The following CRLS1 variants were observed in gnomAD, a reference collection of about 807,000 sequenced individuals.
The protein encoded by CRLS1 is cardiolipin synthase 1.
Under a neutral mutation model 37.0 loss-of-function variants are expected in CRLS1, and 24 were observed. The ratio of observed to expected loss-of-function variants is 0.65; its 90% CI spans 0.47 to 0.91. The LOEUF (loss-of-function observed/expected upper bound fraction) is 0.91. Among genes scored for constraint, CRLS1 ranks in the 40% least tolerant of loss-of-function variants. The probability of loss-of-function intolerance (pLI) is 0.00; values close to 1 mark genes in which losing one functional copy is unlikely to be tolerated. For synonymous variants in CRLS1, 135 were observed against 159.7 expected, an observed-to-expected ratio of 0.85 and a Z score of 1.17; for missense variants, 373 against 395.8, an observed-to-expected ratio of 0.94 and a Z score of 0.49.
upstream of CRLS1, chr20:6,005,975 AC>A: frequency 3.3e-6 from 1 of 301,604 alleles, no homozygotes; most frequent in Non-Finnish European, 6.1e-6. Context: ...GCTTCCCAAA[AC>A]CCACTGAGCC....
chr20:6,034,719 T>G (rs1325338796), intron 6 of CRLS1, among the ~76,000 whole-genome samples, 164 bp downstream of exon 6: 2 of 152,208 alleles, frequency 1.3e-5, no homozygotes, highest in Admixed American at 1.3e-4. Context: ...CTGCCAAGTA[T>G]GAGATGGAGA....
At chr20:6,033,098 T>A (rs1396913773) in intron 5 of CRLS1, among the ~76,000 whole-genome samples, 1 of 149,710 alleles carries the variant, frequency 6.7e-6, no homozygotes, top group East Asian at 1.9e-4. Context: ...ATTTTATATT[T>A]TATTTTATTT....
At chr20:6,019,691 C>CTT (rs146083457) in intron 3 of CRLS1, among the ~76,000 whole-genome samples, 13 of 120,248 alleles carry the variant, frequency 1.1e-4, no homozygotes, top group East Asian at 9.5e-4. Context: ...TTTCGAAATT[C>CTT]TTTTTTTTTT....
intron 3 of CRLS1, among the ~76,000 whole-genome samples, chr20:6,022,756 G>A (rs1268990899): frequency 6.6e-6 from 1 of 152,044 alleles, no homozygotes; most frequent in Non-Finnish European, 1.5e-5. Context: ...GTTTTATTCT[G>A]CTTGGGATTT....
Position 6,039,114 on chromosome 20 carries a change from G to A in CRLS1, c.*1956G>A, listed in dbSNP as rs1430405872. The A allele has an allele frequency of 1.3e-5, 2 of 152,172 alleles. No individual in the cohort carries two copies. Among genetic ancestry groups the A allele is most frequent in the Non-Finnish European group, 2.9e-5 (2 of 68,036 alleles). 9.4% of individuals were successfully genotyped at this position (152,172 alleles called of 1,614,324 possible). A position where few individuals can be genotyped will look rare whatever the true frequency, so the allele number is the denominator to read the frequency against. On this transcript the variant is annotated 3_prime_UTR_variant, in exon 7 of 7. Coordinates refer to ENST00000378863, the MANE Select transcript of CRLS1 (RefSeq NM_019095.6). ...AAGCATTAGTGTCATTTAATTACATGTCTGAGGAATTTATGCTAACTAGAT... is the reference window on the plus strand; with the variant it reads ...AAGCATTAGTGTCATTTAATTACATATCTGAGGAATTTATGCTAACTAGAT...
At chr20:6,024,400 T>A (rs1457176382) in intron 3 of CRLS1, among the ~76,000 whole-genome samples, 1 of 152,052 alleles carries the variant, frequency 6.6e-6, no homozygotes, top group Non-Finnish European at 1.5e-5. Flanking sequence ...TCCATGAGGG[T>A]TGGAATCAAC....
intron 1 of CRLS1, chr20:6,007,506 G>A: frequency 8.1e-7 from 1 of 1,241,532 alleles, no homozygotes; most frequent in East Asian, 2.5e-5. Flanking sequence ...CACCTTAACT[G>A]AAATATTCTA....
chr20:6,029,202 G>C (rs1445682106), intron 3 of CRLS1, among the ~76,000 whole-genome samples: 3 of 151,908 alleles, frequency 2.0e-5, no homozygotes, highest in African/African-American at 7.3e-5. Context: ...TGAGTCCAGA[G>C]ATGCTAATTG....
intron 3 of CRLS1, 70 bp downstream of exon 3, chr20:6,015,560 T>G: frequency 2.2e-4 from 306 of 1,410,352 alleles, no homozygotes; most frequent in Non-Finnish European, 2.8e-4. Flanking sequence ...AGGATTTCTC[T>G]TGAGAGACAA....
intron 3 of CRLS1, among the ~76,000 whole-genome samples, chr20:6,016,793 G>A (rs1038941166): frequency 6.6e-6 from 1 of 152,030 alleles, no homozygotes; most frequent in African/African-American, 2.4e-5. Flanking sequence ...TCTTTCTTCT[G>A]TGTTGAGTCT....
In CRLS1 at chr20:6,018,216, CA is replaced by C. The variant is rs57874755; in HGVS notation, c.574+2747del. Among the ~76,000 whole-genome samples, 311 of 78,350 alleles carry C rather than the reference CA, an allele frequency of 4.0e-3. 6 individuals are homozygous for C. The Admixed American group carries it at 0.041, about 10-fold the overall frequency. The allele number at this position is 78,350 out of a possible 152,430, so 51.4% of individuals were successfully genotyped here. A position where few individuals can be genotyped will look rare whatever the true frequency, so the allele number is the denominator to read the frequency against. On this transcript the variant is annotated intron_variant, in intron 3 of 6. Coordinates refer to ENST00000378863, the MANE Select transcript of CRLS1 (RefSeq NM_019095.6). ...GAGTGATGGAGTGAGACTCTGTCCT[CA>C]AAAAAAAAAAAAAAAAAAAATTATT...
intron 3 of CRLS1, among the ~76,000 whole-genome samples, chr20:6,022,424 TG>T (rs1204044089): frequency 1.3e-5 from 2 of 149,388 alleles, no homozygotes; most frequent in African/African-American, 4.9e-5. Flanking sequence ...CTGCATTCTC[TG>T]CCTCCCGGGC....
chr20:6,029,291 A>G (rs773632880), intron 3 of CRLS1, among the ~76,000 whole-genome samples: 1 of 152,026 alleles, frequency 6.6e-6, no homozygotes, highest in Non-Finnish European at 1.5e-5. Flanking sequence ...ATTCCTGGTT[A>G]AATGCAGTCT....
At chr20:6,029,729 C>T (rs916617569) in intron 3 of CRLS1, among the ~76,000 whole-genome samples, 2 of 152,108 alleles carry the variant, frequency 1.3e-5, no homozygotes, top group South Asian at 2.1e-4. Context: ...GTTTGTTTAC[C>T]GGTACAAAAA....
intron 2 of CRLS1, among the ~76,000 whole-genome samples, chr20:6,012,704 G>A (rs1030701467): frequency 6.6e-6 from 1 of 152,162 alleles, no homozygotes; most frequent in Admixed American, 6.5e-5. Flanking sequence ...GGAAGTCATC[G>A]TTACAGAGAG....
Position 6,013,112 on chromosome 20 carries a change from A to G in CRLS1, c.445-2249A>G, listed in dbSNP as rs568567536. 5.9e-5 allele frequency among the ~76,000 whole-genome samples: 9 copies of G among 152,204 alleles called. No homozygotes were observed. In the South Asian group the frequency reaches 1.9e-3, roughly 32 times the overall value. ...GATCACAGAAGGGTCTTTTAAAAAGATATATACTGGGGAATTATATCTATG... is the reference window on the plus strand; with the variant it reads ...GATCACAGAAGGGTCTTTTAAAAAGGTATATACTGGGGAATTATATCTATG... On this transcript the variant is annotated intron_variant, in intron 2 of 6. Transcript: ENST00000378863.
At position 6,009,341 on chromosome 20, in the gene CRLS1, A is replaced by G. The variant is rs1351285347; in HGVS notation, c.307-434A>G. ...CCATCTCAAAAAAAAAAAAAAAAAA[A>G]GAGAAAAGGAAACCTATAATATGTA... On this transcript the variant is annotated intron_variant, in intron 1 of 6. Coordinates refer to ENST00000378863, the MANE Select transcript of CRLS1 (RefSeq NM_019095.6). Among the ~76,000 whole-genome samples the G allele has an allele frequency of 2.0e-5, 3 of 151,606 alleles. No homozygotes were observed. The East Asian group carries it at 5.8e-4, about 29-fold the overall frequency.
In CRLS1 at chr20:6,032,363, C is replaced by CTT. The variant is rs199513049; in HGVS notation, c.729+301_729+302dup. On this transcript the variant is annotated intron_variant, in intron 5 of 6. Transcript: ENST00000378863. Reference sequence around the variant, plus strand: ...AAAGGGAATTGAAATGTAATTGTTCCTTTTTTTTTTTTTTTTTTTGAGACA... The same window carrying CTT: ...AAAGGGAATTGAAATGTAATTGTTCCTTTTTTTTTTTTTTTTTTTTTGAGACA... 7.3e-4 allele frequency among the ~76,000 whole-genome samples: 95 copies of CTT among 130,118 alleles called. 1 individual carries two copies. Among genetic ancestry groups the CTT allele is most frequent in the African/African-American group, 2.4e-3 (85 of 35,118 alleles). The allele number at this position is 130,118 out of a possible 152,430, so 85.4% of individuals were successfully genotyped here.
chr20:6,014,559 G>A (rs1282675833), intron 2 of CRLS1, among the ~76,000 whole-genome samples: 1 of 152,202 alleles, frequency 6.6e-6, no homozygotes, highest in Non-Finnish European at 1.5e-5. Context: ...CTTGTTTAAT[G>A]TGAATAGACA....
Sources: allele counts gnomAD v4.1 joint callset (sites outside exome capture counted in the v4.1 genomes callset), GRCh38; gene constraint gnomAD v4.1.1; transcripts MANE v1.5; gene names NCBI Gene and HGNC (gene_info 2026-07-23, HGNC 2026-07-21).